DIAPH2: variants seen among roughly 807,000 people sequenced by gnomAD.
The protein encoded by DIAPH2 is diaphanous related formin 2, also known as protein diaphanous homolog 2.
Under a neutral mutation model 92.7 loss-of-function variants are expected in DIAPH2, and 35 were observed. The observed-to-expected ratio is 0.38, with a 90% CI of 0.29 to 0.50. The LOEUF is 0.50. Among genes scored for constraint, DIAPH2 ranks in the 20% least tolerant of loss-of-function variants. DIAPH2 has a pLI of 0.94. For missense variants in DIAPH2, 701 were observed against 819.5 expected, an observed-to-expected ratio of 0.86 and a Z score of 1.77; for synonymous variants, 301 against 280.4, an observed-to-expected ratio of 1.07 and a Z score of -0.73.
intron 4 of DIAPH2, among the ~76,000 whole-genome samples, chrX:96,879,040 A>T (rs1342343791): frequency 8.9e-6 from 1 of 112,226 alleles, no homozygotes; most frequent in African/African-American, 3.2e-5. Flanking sequence ...ATATGTATTG[A>T]ATGCTTACTT....
chrX:96,867,986 A>T (rs1236695375), intron 4 of DIAPH2, among the ~76,000 whole-genome samples: 1 of 112,086 alleles, frequency 8.9e-6, no homozygotes, highest in Non-Finnish European at 1.9e-5. Flanking sequence ...TTAAATTAAC[A>T]TTATTTTAAG....
intron 22 of DIAPH2, among the ~76,000 whole-genome samples, chrX:97,225,497 G>A (rs2067957912): frequency 9.0e-6 from 1 of 111,305 alleles, no homozygotes; most frequent in African/African-American, 3.3e-5. Context: ...ATGTCTTCTG[G>A]ATACCTACTT....
chrX:97,195,093 A>G (rs2067690524), intron 22 of DIAPH2, among the ~76,000 whole-genome samples: 1 of 112,354 alleles, frequency 8.9e-6, no homozygotes, highest in African/African-American at 3.2e-5. Flanking sequence ...ATGAAAGTTT[A>G]GGAGAAAACC....
chrX:97,502,576 A>G (rs1459037581), intron 26 of DIAPH2, among the ~76,000 whole-genome samples: 1 of 112,081 alleles, frequency 8.9e-6, no homozygotes, highest in Non-Finnish European at 1.9e-5. Flanking sequence ...TACAGATTTT[A>G]TTTTCTCATT....
intron 5 of DIAPH2, among the ~76,000 whole-genome samples, chrX:96,908,843 C>T (rs1346279786): frequency 8.9e-6 from 1 of 111,830 alleles, no homozygotes; most frequent in African/African-American, 3.2e-5. Flanking sequence ...TCGTGATCCG[C>T]CCGCCTCGGC....
chrX:96,787,678 T>C (rs1180884565), intron 4 of DIAPH2, among the ~76,000 whole-genome samples: 1 of 92,651 alleles, frequency 1.1e-5, no homozygotes. Flanking sequence ...TAGACATTAC[T>C]CTTTTCTCTT....
intron 23 of DIAPH2, among the ~76,000 whole-genome samples, chrX:97,317,706 T>C: frequency 8.9e-6 from 1 of 112,353 alleles, no homozygotes; most frequent in Admixed American, 9.5e-5. Context: ...ATAATGCCAC[T>C]ACTCTTCAAA....
At chrX:97,088,210 C>A (rs1404329135) in intron 19 of DIAPH2, among the ~76,000 whole-genome samples, 1 of 111,917 alleles carries the variant, frequency 8.9e-6, no homozygotes, top group Non-Finnish European at 1.9e-5. Flanking sequence ...CTTACATTTG[C>A]TCTTCTCCAT....
At chrX:97,002,013 T>A (rs1238490656) in intron 17 of DIAPH2, among the ~76,000 whole-genome samples, 1 of 108,905 alleles carries the variant, frequency 9.2e-6, no homozygotes, top group East Asian at 2.9e-4. Context: ...CTTTTCTGTT[T>A]AAAAAAAAAG....
chrX:97,325,543 G>GTTATTTTATT (rs58975226), intron 23 of DIAPH2, among the ~76,000 whole-genome samples: 988 of 95,061 alleles, frequency 0.01, 21 homozygotes, highest in South Asian at 0.024. Flanking sequence ...TCATCTTAAT[G>GTTATTTTATT]TTATTTTATT....
chrX:97,093,239 GA>G (rs1347532855), intron 19 of DIAPH2, among the ~76,000 whole-genome samples: 1 of 96,616 alleles, frequency 1.0e-5, no homozygotes, highest in African/African-American at 3.7e-5. Context: ...GGGAGGGGGG[GA>G]AAAAGAAAAC....
chrX:97,138,635 G>A (rs889383952), intron 21 of DIAPH2, among the ~76,000 whole-genome samples: 3 of 111,703 alleles, frequency 2.7e-5, no homozygotes, highest in African/African-American at 9.7e-5. Flanking sequence ...AGTGATAACT[G>A]CGCTTATTAA....
chrX:97,178,763 A>G (rs770150418), intron 22 of DIAPH2, among the ~76,000 whole-genome samples: 3 of 111,341 alleles, frequency 2.7e-5, no homozygotes, highest in South Asian at 7.6e-4. Flanking sequence ...TCAATGTGAT[A>G]GTATTAAGAG....
chrX:97,373,151 CAG>C (rs2069464429), intron 24 of DIAPH2, among the ~76,000 whole-genome samples: 1 of 111,771 alleles, frequency 8.9e-6, no homozygotes, highest in African/African-American at 3.3e-5. Flanking sequence ...TGAGCTATGT[CAG>C]TGTGACAAAT....
chrX:97,215,563 A>G (rs1233128089), intron 22 of DIAPH2, among the ~76,000 whole-genome samples: 1 of 111,669 alleles, frequency 9.0e-6, no homozygotes, highest in Non-Finnish European at 1.9e-5. Context: ...TAAATCCTCC[A>G]CTCAGTTTTC....
At chrX:97,180,475 G>T (rs753814008) in intron 22 of DIAPH2, among the ~76,000 whole-genome samples, 13 of 111,980 alleles carry the variant, frequency 1.2e-4, no homozygotes, top group African/African-American at 4.2e-4. Flanking sequence ...TCTGATGCTA[G>T]TTTCTTTTGC....
rs373605414 is a variant in DIAPH2, at chrX:96,725,228, A to G, written c.133-10530A>G. On this transcript the variant is annotated intron_variant, in intron 1 of 26. Coordinates refer to ENST00000324765, the MANE Select transcript of DIAPH2 (RefSeq NM_006729.5). Reference sequence around the variant, plus strand: ...ACAATGTGTTATTTATTATTTTGACAATTTCTGTCACTATGTTGAGAAAGA... The same window carrying G: ...ACAATGTGTTATTTATTATTTTGACGATTTCTGTCACTATGTTGAGAAAGA... Among the ~76,000 whole-genome samples the G allele has an allele frequency of 2.1e-4, 24 of 112,233 alleles. No homozygotes were observed. The South Asian group carries it at 8.4e-3, about 39-fold the overall frequency.
chrX:97,194,322 C>T (rs1341900873), intron 22 of DIAPH2, among the ~76,000 whole-genome samples: 1 of 105,569 alleles, frequency 9.5e-6, no homozygotes, highest in Non-Finnish European at 1.9e-5. Flanking sequence ...TGCTCTGTTG[C>T]CCAGGCTGGA....
chrX:97,547,705 C>CT lies in DIAPH2; in HGVS notation c.3242-51542dup, dbSNP rs773991759. ...AACCTTTTCTCCCTCGTGACGAACACTTTTTTGTATCAATGTGAGGCAAGC... is the reference window on the plus strand; with the variant it reads ...AACCTTTTCTCCCTCGTGACGAACACTTTTTTTGTATCAATGTGAGGCAAGC... On this transcript the variant is annotated intron_variant, in intron 26 of 26. Coordinates refer to ENST00000324765, the MANE Select transcript of DIAPH2 (RefSeq NM_006729.5). Among the ~76,000 whole-genome samples, 756 of 112,065 alleles carry CT rather than the reference C, an allele frequency of 6.7e-3. 5 individuals carry two copies. The highest frequency in any genetic ancestry group is 0.011 in the Non-Finnish European group (594 of 53,213).
Sources: gnomAD v4.1 joint callset for allele counts (sites outside exome capture counted in the v4.1 genomes callset) on GRCh38, gnomAD v4.1.1 for gene constraint, MANE v1.5 for transcripts, NCBI Gene and HGNC (gene_info 2026-07-23, HGNC 2026-07-21) for gene names.